CTNNA3: variants seen among roughly 807,000 people sequenced by gnomAD.
The protein encoded by CTNNA3 is catenin alpha-3.
Under a neutral mutation model 95.7 loss-of-function variants are expected in CTNNA3, and 76 were observed. That is an observed-to-expected ratio of 0.79 (90% CI 0.66 to 0.96). The LOEUF (loss-of-function observed/expected upper bound fraction) is 0.96, where lower values mean the gene tolerates loss of function less well. CTNNA3 is among the 40% of genes least tolerant of loss of function. The pLI is 0.00. For missense variants in CTNNA3, 1,191 were observed against 1,089.8 expected (o/e 1.09, Z -1.31); for synonymous variants, 431 against 374.4 (o/e 1.15, Z -1.74).
At chr10:66,973,294 A>T (rs1419883769) in intron 7 of CTNNA3, among the ~76,000 whole-genome samples, 2 of 152,216 alleles carry the variant, frequency 1.3e-5, no homozygotes. Flanking sequence ...ATTGACAATT[A>T]GAAGAAAATT....
chr10:66,133,916 A>G (rs2083238805), intron 13 of CTNNA3, among the ~76,000 whole-genome samples: 1 of 152,210 alleles, frequency 6.6e-6, no homozygotes, highest in Admixed American at 6.5e-5. Flanking sequence ...GAAAAGTAAC[A>G]TACAGAAATA....
rs565969483 is a variant in CTNNA3 at position 67,590,012 on chromosome 10, T to C, written c.292+16845A>G. 1.2e-3 allele frequency among the ~76,000 whole-genome samples: 183 copies of C among 152,266 alleles called. 1 individual carries two copies. Among genetic ancestry groups the C allele is most frequent in the South Asian group, 8.9e-3 (43 of 4,834 alleles). ...CAAAGTCAAGTTATCCCAGCTACCA[T>C]AATAATAGATCATGTATCACTATGC... On this transcript the variant is annotated intron_variant, in intron 3 of 17. Coordinates refer to ENST00000433211, the MANE Select transcript of CTNNA3 (RefSeq NM_013266.4).
At chr10:67,241,989 C>T (rs1589075820) in intron 5 of CTNNA3, among the ~76,000 whole-genome samples, 1 of 152,176 alleles carries the variant, frequency 6.6e-6, no homozygotes, top group East Asian at 1.9e-4. Context: ...CTACTCGACA[C>T]TATTTCTATT....
At chr10:67,537,090 T>C (rs1006213124) in intron 4 of CTNNA3, among the ~76,000 whole-genome samples, 3 of 152,182 alleles carry the variant, frequency 2.0e-5, no homozygotes, top group African/African-American at 7.2e-5. Context: ...CACATACTTA[T>C]ATGTGACATA....
intron 7 of CTNNA3, among the ~76,000 whole-genome samples, chr10:67,073,595 A>T (rs1211006812): frequency 1.3e-5 from 2 of 152,190 alleles, no homozygotes; most frequent in Non-Finnish European, 2.9e-5. Flanking sequence ...TCATATTAAA[A>T]AAACAGAGAT....
chr10:66,730,606 T>C (rs1848929548), intron 9 of CTNNA3, among the ~76,000 whole-genome samples: 1 of 152,134 alleles, frequency 6.6e-6, no homozygotes, highest in Non-Finnish European at 1.5e-5. Context: ...CCCCTGAACT[T>C]AAAATTTAAA....
At chr10:66,400,193 A>G (rs943764086) in intron 11 of CTNNA3, among the ~76,000 whole-genome samples, 4 of 152,084 alleles carry the variant, frequency 2.6e-5, no homozygotes, top group African/African-American at 9.7e-5. Context: ...TAAAAAATAG[A>G]AAAGAAGAAT....
rs184221873 is a variant in CTNNA3, at chr10:66,271,357, G to T, written c.1884+9113C>A. ...ACTCTCCAAAAGTTGTTTTTGAAAT[G>T]TAGATATGCAGAGAAACTTTATGTT... On this transcript the variant is annotated intron_variant, in intron 13 of 17. Coordinates refer to ENST00000433211, the MANE Select transcript of CTNNA3 (RefSeq NM_013266.4). Among the ~76,000 whole-genome samples the T allele has an allele frequency of 1.6e-3, 247 of 152,230 alleles. 1 individual carries two copies. The highest frequency in any genetic ancestry group is 5.4e-3 in the African/African-American group (226 of 41,548).
chr10:67,636,996 G>A (rs1839338379), intron 2 of CTNNA3, among the ~76,000 whole-genome samples: 1 of 152,178 alleles, frequency 6.6e-6, no homozygotes, highest in Non-Finnish European at 1.5e-5. Context: ...CACTAGCAAC[G>A]TAACAAAGCT....
intron 15 of CTNNA3, among the ~76,000 whole-genome samples, chr10:66,015,667 A>C (rs1340918709): frequency 6.6e-6 from 1 of 152,136 alleles, no homozygotes; most frequent in Non-Finnish European, 1.5e-5. Context: ...AGCCTAAATT[A>C]TACACTGGCC....
intron 11 of CTNNA3, among the ~76,000 whole-genome samples, chr10:66,466,286 T>G (rs1008510922): frequency 6.7e-6 from 1 of 148,928 alleles, no homozygotes; most frequent in African/African-American, 2.5e-5. Flanking sequence ...TAAAATAAAT[T>G]TTTCTCTCTC....
intron 7 of CTNNA3, among the ~76,000 whole-genome samples, chr10:67,071,837 AC>A (rs1664838475): frequency 6.6e-6 from 1 of 152,158 alleles, no homozygotes; most frequent in Admixed American, 6.5e-5. Flanking sequence ...TTTTCAGTTC[AC>A]TAAACTTGTA....
intron 13 of CTNNA3, among the ~76,000 whole-genome samples, chr10:66,223,693 T>G (rs1020157864): frequency 3.9e-5 from 6 of 152,214 alleles, no homozygotes; most frequent in African/African-American, 1.4e-4. Context: ...ATGCCCAAGA[T>G]CACCACATTA....
intron 7 of CTNNA3, among the ~76,000 whole-genome samples, chr10:67,089,485 A>G (rs1857499886): frequency 1.3e-5 from 2 of 152,064 alleles, no homozygotes; most frequent in East Asian, 3.9e-4. Context: ...TAGGAGATAG[A>G]TTGCTCTTCG....
At position 65,955,181 on chromosome 10, in the gene CTNNA3, C is replaced by G. The variant is rs556011932; in HGVS notation, c.2400+11431G>C. On this transcript the variant is annotated intron_variant, in intron 17 of 17. Coordinates refer to ENST00000433211, the MANE Select transcript of CTNNA3 (RefSeq NM_013266.4). ...ATGGGAGTTCACTCATGATTTGGCT[C>G]TCTGTTTGTCTGTTATTGGCGTATA... 1.9e-3 allele frequency among the ~76,000 whole-genome samples: 293 copies of G among 152,210 alleles called. 2 individuals are homozygous for G. Among genetic ancestry groups the G allele is most frequent in the African/African-American group, 6.9e-3 (287 of 41,524 alleles).
At chr10:67,556,297 T>C (rs1337992822) in intron 3 of CTNNA3, among the ~76,000 whole-genome samples, 1 of 152,252 alleles carries the variant, frequency 6.6e-6, no homozygotes, top group African/African-American at 2.4e-5. Context: ...TTCCCTGTTT[T>C]TCCATAAATT....
At chr10:66,945,807 C>T (rs1049869461) in intron 7 of CTNNA3, among the ~76,000 whole-genome samples, 7 of 152,178 alleles carry the variant, frequency 4.6e-5, no homozygotes, top group African/African-American at 1.7e-4. Flanking sequence ...GAAATTTCAA[C>T]TTTGATGTGT....
intron 7 of CTNNA3, among the ~76,000 whole-genome samples, chr10:66,804,482 CAT>C (rs1398241795): frequency 6.6e-6 from 1 of 152,010 alleles, no homozygotes; most frequent in African/African-American, 2.4e-5. Context: ...CTGCACCCCA[CAT>C]GTCCCTTATT....
chr10:67,071,141 T>G (rs937539636), intron 7 of CTNNA3, among the ~76,000 whole-genome samples: 5 of 152,202 alleles, frequency 3.3e-5, no homozygotes, highest in African/African-American at 1.2e-4. Flanking sequence ...TCACTCTTAT[T>G]GTTCAATATA....
Sources: gnomAD v4.1 joint callset for allele counts (sites outside exome capture counted in the v4.1 genomes callset) on GRCh38, gnomAD v4.1.1 for gene constraint, MANE v1.5 for transcripts, NCBI Gene and HGNC (gene_info 2026-07-23, HGNC 2026-07-21) for gene names.